CENPP: variants seen among roughly 807,000 people sequenced by gnomAD.
The protein encoded by CENPP is centromere protein P.
Under a neutral mutation model 35.6 loss-of-function variants are expected in CENPP, and 24 were observed. The observed-to-expected ratio is 0.67, with a 90% confidence interval of 0.49 to 0.95. The LOEUF is 0.95. Ranked by LOEUF, CENPP falls within the 40% of genes least tolerant of loss-of-function variation. The pLI is 0.00. For synonymous variants in CENPP, 120 were observed against 125.5 expected, an observed-to-expected ratio of 0.96 and a Z score of 0.29; for missense variants, 332 against 345.3, an observed-to-expected ratio of 0.96 and a Z score of 0.31.
Position 92,619,321 on chromosome 9 carries a change from G to A in CENPP, c.*6172G>A. 1.7e-6 allele frequency: 1 copy of A among 602,522 alleles called. No individual in the cohort carries two copies. The highest frequency in any genetic ancestry group is 2.0e-5 in the South Asian group (1 of 50,700). 37.3% of individuals were successfully genotyped at this position (602,522 alleles called of 1,614,324 possible). A position where few individuals can be genotyped will look rare whatever the true frequency, so the allele number is the denominator to read the frequency against. On this transcript the variant is annotated 3_prime_UTR_variant, in exon 8 of 8. Transcript: ENST00000375587. ...TTGACTGAATTACAAGCTTCTAGAG[G>A]GCGAGAGTTAGTAAGCCCCATGATG...
At chr9:92,599,906 C>A (rs776560058) in intron 5 of CENPP, among the ~76,000 whole-genome samples, 1 of 152,206 alleles carries the variant, frequency 6.6e-6, no homozygotes, top group African/African-American at 2.4e-5. Flanking sequence ...TCATGAACAT[C>A]CAAACTGCCT....
intron 5 of CENPP, among the ~76,000 whole-genome samples, chr9:92,437,441 G>A (rs1055209169): frequency 6.9e-6 from 1 of 144,564 alleles, no homozygotes; most frequent in African/African-American, 2.6e-5. Context: ...ACAGAGTCTC[G>A]CTATGTTGCC....
At chr9:92,576,465 C>G (rs1850284418) in intron 5 of CENPP, among the ~76,000 whole-genome samples, 1 of 152,096 alleles carries the variant, frequency 6.6e-6, no homozygotes, top group African/African-American at 2.4e-5. Flanking sequence ...TAGCACTAAA[C>G]TTAAACCACT....
intron 5 of CENPP, among the ~76,000 whole-genome samples, chr9:92,460,056 C>CTT (rs869237016): frequency 1.2e-3 from 126 of 109,534 alleles, no homozygotes; most frequent in African/African-American, 2.1e-3. Flanking sequence ...AACGGTGGTT[C>CTT]TTTTTTTTTT....
At chr9:92,462,034 G>C (rs1037164312) in intron 5 of CENPP, among the ~76,000 whole-genome samples, 1 of 151,952 alleles carries the variant, frequency 6.6e-6, no homozygotes, top group Non-Finnish European at 1.5e-5. Flanking sequence ...CTGGAGTGTA[G>C]TAGCGCAGTC....
intron 5 of CENPP, among the ~76,000 whole-genome samples, chr9:92,458,232 C>T (rs923281384): frequency 1.2e-4 from 18 of 152,186 alleles, no homozygotes; most frequent in Non-Finnish European, 2.5e-4. Flanking sequence ...CCTTTAACAG[C>T]CCTTCTAATT....
chr9:92,400,750 C>T (rs1843079289), intron 5 of CENPP, among the ~76,000 whole-genome samples: 1 of 152,124 alleles, frequency 6.6e-6, no homozygotes, highest in African/African-American at 2.4e-5. Context: ...TTCTTAAAGG[C>T]AATAATTATA....
rs1329948428 is a variant in CENPP, at chr9:92,476,884, G to A, written c.564+97025G>A. Among the ~76,000 whole-genome samples, 1 of 152,152 alleles carries A rather than the reference G, an allele frequency of 6.6e-6. No homozygotes were observed. Among genetic ancestry groups the A allele is most frequent in the Non-Finnish European group, 1.5e-5 (1 of 68,018 alleles). ...GCTCCAGCTCATGTGGGGGGACTCA[G>A]TTGTTTTATCCAGAAATCTCGTGGC... On this transcript the variant is annotated intron_variant, in intron 5 of 7. Transcript: ENST00000375587. This position sits in a 1 kb window ranked among gnomAD's most constrained non-coding sequence, Gnocchi z 4.1.
At chr9:92,493,174 G>A (rs1354373042) in intron 5 of CENPP, among the ~76,000 whole-genome samples, 1 of 152,208 alleles carries the variant, frequency 6.6e-6, no homozygotes, top group Non-Finnish European at 1.5e-5. Context: ...AGAAAAGGGG[G>A]ATGGGAGTGA....
intron 5 of CENPP, among the ~76,000 whole-genome samples, chr9:92,573,939 C>G (rs1431300733): frequency 6.6e-6 from 1 of 152,154 alleles, no homozygotes; most frequent in Non-Finnish European, 1.5e-5. Flanking sequence ...TTTGCTAAGA[C>G]CGTTGGAAAA....
chr9:92,338,043 G>A (rs1840985238), intron 3 of CENPP, among the ~76,000 whole-genome samples: 2 of 152,150 alleles, frequency 1.3e-5, no homozygotes, highest in Non-Finnish European at 2.9e-5. Flanking sequence ...CAAACATGGT[G>A]GCTCACACCT....
At chr9:92,589,712 C>T (rs143491852) in intron 5 of CENPP, among the ~76,000 whole-genome samples, 80 of 152,196 alleles carry the variant, frequency 5.3e-4, no homozygotes, top group East Asian at 1.7e-3. Flanking sequence ...TATGCGTTTA[C>T]GAAAGATTTC....
chr9:92,463,712 A>C (rs1845199531), intron 5 of CENPP, among the ~76,000 whole-genome samples: 1 of 152,054 alleles, frequency 6.6e-6, no homozygotes, highest in African/African-American at 2.4e-5. Context: ...ATTGGGTAGC[A>C]TTTGCATTTT....
chr9:92,375,298 T>TC (rs1171341132), intron 4 of CENPP, among the ~76,000 whole-genome samples: 1 of 152,064 alleles, frequency 6.6e-6, no homozygotes, highest in Non-Finnish European at 1.5e-5. Context: ...TTTTACTGAT[T>TC]CTTTTTTTTT....
Position 92,548,836 on chromosome 9 carries a change from C to A in CENPP, c.565-62478C>A, listed in dbSNP as rs543771242. On this transcript the variant is annotated intron_variant, in intron 5 of 7. Transcript: ENST00000375587. The stretch of plus-strand genomic sequence containing the variant: ...ATCTTAGAGTTGATGAAATTCAAAT[C>A]AAAATCCTAGCAGTTCACTTTTGTG... 3.3e-5 allele frequency among the ~76,000 whole-genome samples: 5 copies of A among 152,132 alleles called. No homozygotes were observed. In the South Asian group the frequency reaches 6.2e-4, roughly 19 times the overall value.
In CENPP at chr9:92,476,244, C is replaced by T. The variant is rs138797216; in HGVS notation, c.564+96385C>T. Among the ~76,000 whole-genome samples, 60 of 152,222 alleles carry T rather than the reference C, an allele frequency of 3.9e-4. No homozygotes were observed. Among genetic ancestry groups the T allele is most frequent in the African/African-American group, 1.4e-3 (59 of 41,536 alleles). On this transcript the variant is annotated intron_variant, in intron 5 of 7. Transcript: ENST00000375587. The surrounding 1 kb of genome is among the most constrained non-coding windows in gnomAD (Gnocchi z 4.1). Reference sequence around the variant, plus strand: ...TAGTCAGCCAGGATTGGCCCAGCCTCGGGAAGACCTACCCCTCCAAATCCC... The same window carrying T: ...TAGTCAGCCAGGATTGGCCCAGCCTTGGGAAGACCTACCCCTCCAAATCCC...
chr9:92,334,362 G>A (rs1261767234), intron 2 of CENPP, among the ~76,000 whole-genome samples: 2 of 152,028 alleles, frequency 1.3e-5, no homozygotes, highest in Non-Finnish European at 2.9e-5. Flanking sequence ...CTCGTGATAC[G>A]CCTGCCTCGG....
At chr9:92,461,862 C>T (rs577965995) in intron 5 of CENPP, among the ~76,000 whole-genome samples, 1 of 152,296 alleles carries the variant, frequency 6.6e-6, no homozygotes, top group Admixed American at 6.5e-5. Flanking sequence ...TGAATTCATG[C>T]AATGCCCAGA....
At chr9:92,462,868 T>C (rs1481882310) in intron 5 of CENPP, among the ~76,000 whole-genome samples, 3 of 152,140 alleles carry the variant, frequency 2.0e-5, no homozygotes, top group Admixed American at 6.5e-5. Context: ...CATACAAAAA[T>C]CACTAGAAAA....
Sources: gnomAD v4.1 joint callset for allele counts (sites outside exome capture counted in the v4.1 genomes callset) on GRCh38, gnomAD v4.1.1 for gene constraint, Gnocchi (gnomAD v3.1) non-coding constraint, MANE v1.5 for transcripts, NCBI Gene and HGNC (gene_info 2026-07-23, HGNC 2026-07-21) for gene names.